PCCA: variants seen among roughly 807,000 people sequenced by gnomAD.
PCCA encodes propionyl-CoA carboxylase alpha chain, mitochondrial.
A neutral mutation model predicts 101.3 loss-of-function variants in PCCA; 74 were observed. The observed-to-expected ratio is 0.73, with a 90% CI of 0.61 to 0.89. The LOEUF (loss-of-function observed/expected upper bound fraction) is 0.89. PCCA is among the 40% of genes least tolerant of loss of function. PCCA has a pLI of 0.00. For missense variants in PCCA, 891 were observed against 907.0 expected (o/e 0.98, Z 0.23); for synonymous variants, 294 against 313.6 (o/e 0.94, Z 0.66).
At chr13:100,292,495 C>A (rs1466057742) in intron 12 of PCCA, among the ~76,000 whole-genome samples, 1 of 152,208 alleles carries the variant, frequency 6.6e-6, no homozygotes, top group Non-Finnish European at 1.5e-5. Flanking sequence ...CTGGTTTATA[C>A]TGAGCACACA....
Position 100,163,633 on chromosome 13 carries a change from G to A in PCCA, c.468+6293G>A, listed in dbSNP as rs879671797. Among the ~76,000 whole-genome samples, 7 of 152,152 alleles carry A rather than the reference G, an allele frequency of 4.6e-5. No individual in the cohort carries two copies. The East Asian group carries it at 1.2e-3, about 25-fold the overall frequency. ...TGAGATTTAATTCATGTGTCATCAG[G>A]CTCACCCTTTAAAAGTATACAATTG... On this transcript the variant is annotated intron_variant, in intron 6 of 23. Transcript: ENST00000376285.
Position 100,530,253 on chromosome 13 carries a change from G to GGGTGTTCCTGTAT in PCCA, c.*87_*88insGGTGTTCCTGTAT. On this transcript the variant is annotated 3_prime_UTR_variant, in exon 24 of 24. Transcript: ENST00000376285. ...CACAATTGATTCAAGCATTATACAG[G>GGGTGTTCCTGTAT]AACACCCCTGTGCAGCTACGTTTAC... The GGGTGTTCCTGTAT allele has an allele frequency of 9.5e-7, 1 of 1,049,938 alleles. No homozygotes were observed. Among genetic ancestry groups the GGGTGTTCCTGTAT allele is most frequent in the Non-Finnish European group, 1.5e-6 (1 of 673,448 alleles). 65.0% of individuals were successfully genotyped at this position (1,049,938 alleles called of 1,614,324 possible).
intron 1 of PCCA, 64 bp from the exon 2 acceptor site, chr13:100,102,819 C>A: frequency 9.3e-7 from 1 of 1,071,276 alleles, no homozygotes; most frequent in Non-Finnish European, 1.5e-6. Flanking sequence ...GAAGAAATAT[C>A]CTGAAAAAAT....
chr13:100,502,821 A>G (rs1566469834), intron 21 of PCCA, among the ~76,000 whole-genome samples: 1 of 152,240 alleles, frequency 6.6e-6, no homozygotes. Flanking sequence ...TTACATGCAG[A>G]TAACAAGTCA....
At chr13:100,419,038 A>G (rs2078572083) in intron 19 of PCCA, among the ~76,000 whole-genome samples, 1 of 150,232 alleles carries the variant, frequency 6.7e-6, no homozygotes, top group Non-Finnish European at 1.5e-5. Context: ...TAAATATGAT[A>G]TTCCTTCTAG....
chr13:100,401,403 C>A (rs756867499), intron 19 of PCCA, among the ~76,000 whole-genome samples: 2 of 152,002 alleles, frequency 1.3e-5, no homozygotes, highest in Non-Finnish European at 2.9e-5. Flanking sequence ...ACCACCATGC[C>A]TGGCTAATTT....
At chr13:100,301,647 G>A in intron 13 of PCCA, 44 bp downstream of exon 13, 1 of 1,608,756 alleles carries the variant, frequency 6.2e-7, no homozygotes, top group South Asian at 1.1e-5. Flanking sequence ...GTTATGTCCA[G>A]AGTCATGAGA....
chr13:100,392,613 T>C (rs1662330387), intron 19 of PCCA, among the ~76,000 whole-genome samples: 3 of 152,218 alleles, frequency 2.0e-5, no homozygotes, highest in Admixed American at 2.0e-4. Flanking sequence ...ATCTCTTCTA[T>C]AAAATTTCCT....
Position 100,523,939 on chromosome 13 carries a change from G to A in PCCA, c.2041-3736G>A, listed in dbSNP as rs114069246. ...AGGAACGGGCCCCGCACATGGGGGCGTCTGATGGAGACGGAATGGTGGAGG... is the reference window on the plus strand; with the variant it reads ...AGGAACGGGCCCCGCACATGGGGGCATCTGATGGAGACGGAATGGTGGAGG... On this transcript the variant is annotated intron_variant, in intron 22 of 23. Coordinates refer to ENST00000376285, the MANE Select transcript of PCCA (RefSeq NM_000282.4). Among the ~76,000 whole-genome samples, 1,511 of 152,332 alleles carry A rather than the reference G, an allele frequency of 9.9e-3. 21 individuals are homozygous for A. The highest frequency in any genetic ancestry group is 0.033 in the African/African-American group (1,367 of 41,570).
intron 16 of PCCA, among the ~76,000 whole-genome samples, chr13:100,319,107 T>G (rs2067710994): frequency 6.6e-6 from 1 of 152,308 alleles, no homozygotes. Flanking sequence ...ATTTTTTCAT[T>G]TGTCTGTTGG....
chr13:100,233,801 G>C (rs2060627526), intron 7 of PCCA, among the ~76,000 whole-genome samples: 1 of 152,116 alleles, frequency 6.6e-6, no homozygotes, highest in South Asian at 2.1e-4. Flanking sequence ...AGAAGACTTA[G>C]CATGCTGTTA....
At chr13:100,457,062 C>T (rs576831360) in intron 21 of PCCA, among the ~76,000 whole-genome samples, 1 of 152,166 alleles carries the variant, frequency 6.6e-6, no homozygotes, top group African/African-American at 2.4e-5. Context: ...TTCTAGGTCA[C>T]TTCTCACAAT....
chr13:100,112,186 T>C (rs2048378712), intron 4 of PCCA, 125 bp downstream of exon 4: 1 of 710,836 alleles, frequency 1.4e-6, no homozygotes, highest in African/African-American at 1.8e-5. Flanking sequence ...TGTTTACTTG[T>C]TCACTGTTGT....
chr13:100,457,314 G>A (rs561312768), intron 21 of PCCA, among the ~76,000 whole-genome samples: 77 of 152,046 alleles, frequency 5.1e-4, no homozygotes, highest in Non-Finnish European at 9.6e-4. Context: ...TCACGCACAC[G>A]TTCTGACTAT....
At chr13:100,345,890 GA>G (rs1482026737) in intron 18 of PCCA, among the ~76,000 whole-genome samples, 3 of 151,608 alleles carry the variant, frequency 2.0e-5, no homozygotes, top group African/African-American at 7.3e-5. Flanking sequence ...CTGTGCTCTA[GA>G]AATGGAACAA....
chr13:100,374,809 T>A (rs1240847278), intron 19 of PCCA, among the ~76,000 whole-genome samples: 2 of 152,172 alleles, frequency 1.3e-5, no homozygotes, highest in African/African-American at 4.8e-5. Flanking sequence ...ATTGTTACAG[T>A]GGGCCAATGA....
intron 8 of PCCA, among the ~76,000 whole-genome samples, chr13:100,251,404 A>G: frequency 6.6e-6 from 1 of 152,234 alleles, no homozygotes; most frequent in East Asian, 1.9e-4. Flanking sequence ...AGCAGTAAAA[A>G]TAATGACTTA....
At chr13:100,498,483 T>C (rs2152986651) in intron 21 of PCCA, among the ~76,000 whole-genome samples, 1 of 152,298 alleles carries the variant, frequency 6.6e-6, no homozygotes, top group South Asian at 2.1e-4. Flanking sequence ...ATAGATTTCC[T>C]TGCTCCTTGA....
intron 8 of PCCA, chr13:100,236,904 A>G (rs2060837588): frequency 1.3e-5 from 2 of 152,260 alleles, no homozygotes; most frequent in Admixed American, 1.3e-4. Flanking sequence ...TAATCAAATC[A>G]GTAATTGTAT....
Sources: allele counts gnomAD v4.1 joint callset (sites outside exome capture counted in the v4.1 genomes callset), GRCh38; gene constraint gnomAD v4.1.1; transcripts MANE v1.5; gene names NCBI Gene and HGNC (gene_info 2026-07-23, HGNC 2026-07-21).